The following BMF variants were observed in gnomAD, a reference collection of about 807,000 sequenced individuals.
BMF encodes Bcl2 modifying factor, also known as bcl-2-modifying factor.
In BMF, 10 loss-of-function variants were observed where a neutral mutation model predicts 22.0. The observed-to-expected ratio is 0.45, with a 90% CI of 0.28 to 0.77. The LOEUF (loss-of-function observed/expected upper bound fraction) is 0.77, where lower values mean the gene tolerates loss of function less well. BMF is among the 30% of genes least tolerant of loss of function. BMF has a pLI of 0.13. For synonymous variants in BMF, 87 were observed against 88.1 expected (o/e 0.99, Z 0.07); for missense variants, 206 against 226.8 (o/e 0.91, Z 0.59).
intron 3 of BMF, 56 bp from the exon 4 acceptor site, chr15:40,104,396 TACGCC>T (rs1420251206): frequency 1.3e-6 from 2 of 1,593,298 alleles, no homozygotes; most frequent in African/African-American, 2.7e-5. Flanking sequence ...CCAACCTCCC[TACGCC>T]TGCCTGACCT....
At position 40,106,167 on chromosome 15, in the gene BMF, T is replaced by C; in HGVS notation, c.-5-76A>G. The stretch of plus-strand genomic sequence containing the variant: ...CCTGGAAGGACTCCCCTTCCCTTCT[T>C]CCTACCATACTCCCCCTTCTTATTT... On this transcript the variant is annotated intron_variant, in intron 2 of 4. Transcript: ENST00000354670. This position sits in a 1 kb window ranked among gnomAD's most constrained non-coding sequence, Gnocchi z 4.1. 1 of 1,468,170 alleles carries C rather than the reference T, an allele frequency of 6.8e-7. No individual in the cohort carries two copies. The highest frequency in any genetic ancestry group is 9.1e-7 in the Non-Finnish European group (1 of 1,104,770). 90.9% of individuals were successfully genotyped at this position (1,468,170 alleles called of 1,614,324 possible). A position where few individuals can be genotyped will look rare whatever the true frequency, so the allele number is the denominator to read the frequency against.
chr15:40,105,055 T>C (rs1237272444), intron 3 of BMF, among the ~76,000 whole-genome samples: 2 of 152,144 alleles, frequency 1.3e-5, no homozygotes, highest in African/African-American at 2.4e-5. Flanking sequence ...CAGAACTGCT[T>C]TGCCAGAACT....
rs2036195729 is a variant in BMF at position 40,089,560 on chromosome 15, G to A, written c.*2227C>T. 6.6e-6 allele frequency: 1 copy of A among 152,242 alleles called. No individual in the cohort carries two copies. The highest frequency in any genetic ancestry group is 6.5e-5 in the Admixed American group (1 of 15,284). The allele number at this position is 152,242 out of a possible 1,614,324, so 9.4% of individuals were successfully genotyped here. A position where few individuals can be genotyped will look rare whatever the true frequency, so the allele number is the denominator to read the frequency against. ...TGTCAAAGTCTGGGCTCAGTTCTCAGGCCACAGGGCACCCAGCCTGGGCCT... is the reference window on the plus strand; with the variant it reads ...TGTCAAAGTCTGGGCTCAGTTCTCAAGCCACAGGGCACCCAGCCTGGGCCT... On this transcript the variant is annotated 3_prime_UTR_variant, in exon 5 of 5. Transcript: ENST00000354670.
Position 40,102,982 on chromosome 15 carries a change from A to G in BMF, c.453+1198T>C, listed in dbSNP as rs547990330. Among the ~76,000 whole-genome samples the G allele has an allele frequency of 2.0e-5, 3 of 152,278 alleles. No homozygotes were observed. The South Asian group carries it at 6.2e-4, about 32-fold the overall frequency. ...CTTACCAGGCCCAGACCTGGCCCCA[A>G]ACTGTCCTTAGAACTCCTTGGCAGA... On this transcript the variant is annotated intron_variant, in intron 4 of 4. Coordinates refer to ENST00000354670, the MANE Select transcript of BMF (RefSeq NM_001003940.2).
At chr15:40,104,363 T>C (rs368266341) in intron 3 of BMF, 23 bp from the exon 4 acceptor site, 4 of 1,612,450 alleles carry the variant, frequency 2.5e-6, no homozygotes, top group Non-Finnish European at 3.4e-6. Flanking sequence ...AGGATCCACA[T>C]CTCAGCATTC....
chr15:40,107,670 T>C (rs1481591284), intron 2 of BMF, among the ~76,000 whole-genome samples: 1 of 152,090 alleles, frequency 6.6e-6, no homozygotes, highest in African/African-American at 2.4e-5. Flanking sequence ...GCCAGTCACC[T>C]GGCAGGGGCT....
At position 40,108,281 on chromosome 15, in the gene BMF, C is replaced by T. The variant is rs1001842253; in HGVS notation, c.-28G>A. The T allele has an allele frequency of 2.0e-5, 3 of 152,662 alleles. No homozygotes were observed. Among genetic ancestry groups the T allele is most frequent in the African/African-American group, 7.3e-5 (3 of 41,300 alleles). 9.5% of individuals were successfully genotyped at this position (152,662 alleles called of 1,614,324 possible). On this transcript the variant is annotated 5_prime_UTR_variant, in exon 2 of 5. Transcript: ENST00000354670. ...GACCTGGGTGACTCCAGGAGAGAGT[C>T]TCGGCCTCCGAGTCGTGATGCCAGG...
intron 4 of BMF, 149 bp downstream of exon 4, chr15:40,104,031 C>A: frequency 9.7e-7 from 1 of 1,025,678 alleles, no homozygotes. Context: ...TTAGGCCCCT[C>A]CTGCCCATGG....
At chr15:40,094,052 C>T (rs1023317871) in intron 4 of BMF, among the ~76,000 whole-genome samples, 2 of 152,210 alleles carry the variant, frequency 1.3e-5, no homozygotes, top group African/African-American at 4.8e-5. Context: ...GTGCCACTAC[C>T]TTTCTTTATA....
At chr15:40,097,491 C>G (rs1339921445) in intron 4 of BMF, among the ~76,000 whole-genome samples, 1 of 152,152 alleles carries the variant, frequency 6.6e-6, no homozygotes, top group East Asian at 1.9e-4. Flanking sequence ...TTCCTTGTAC[C>G]CTTGTTTTCC....
At chr15:40,098,666 C>T (rs1284120294) in intron 4 of BMF, among the ~76,000 whole-genome samples, 1 of 152,126 alleles carries the variant, frequency 6.6e-6, no homozygotes, top group Non-Finnish European at 1.5e-5. Context: ...AACATGACCT[C>T]TTGGCTGCCA....
In BMF at chr15:40,088,870, C is replaced by T. The variant is rs1265756005; in HGVS notation, c.*2917G>A. On this transcript the variant is annotated 3_prime_UTR_variant, in exon 5 of 5. Transcript: ENST00000354670. Reference sequence around the variant, plus strand: ...GGCAGAGGCCAGGCTGAGTCCTCCACCCTCATTGCAGGAGTCCAGCGTCTG... The same window carrying T: ...GGCAGAGGCCAGGCTGAGTCCTCCATCCTCATTGCAGGAGTCCAGCGTCTG... The T allele has an allele frequency of 1.3e-5, 2 of 152,484 alleles. No homozygotes were observed. The highest frequency in any genetic ancestry group is 2.9e-5 in the Non-Finnish European group (2 of 68,088). 9.4% of individuals were successfully genotyped at this position (152,484 alleles called of 1,614,324 possible).
In BMF at chr15:40,091,856, C is replaced by T; in HGVS notation, c.486G>A (p.Gln162=). ...CAAGGTTGTGCAGGAAGAGGAGGAT[C>T]TGCCACCACACACGATTTTGGTTCT... ...HQQNQNRVWW[Q]ILLFLHNLAL... The change falls in exon 5 of 5, where the codon CAG becomes CAA. Residue 162 remains glutamine, a synonymous_variant. Coordinates refer to ENST00000354670, the MANE Select transcript of BMF (RefSeq NM_001003940.2). The T allele has an allele frequency of 6.2e-7, 1 of 1,610,870 alleles. No homozygotes were observed. Among genetic ancestry groups the T allele is most frequent in the Non-Finnish European group, 8.5e-7 (1 of 1,178,842 alleles).
chr15:40,096,281 G>C (rs533662138), intron 4 of BMF, among the ~76,000 whole-genome samples: 1 of 148,998 alleles, frequency 6.7e-6, no homozygotes, highest in Admixed American at 6.8e-5. Flanking sequence ...TGTTCCCTAC[G>C]CTCCCTGGAT....
chr15:40,091,853 G>T lies in BMF; in HGVS notation c.489C>A (p.Ile163=). The T allele has an allele frequency of 1.2e-6, 2 of 1,610,888 alleles. No homozygotes were observed. The highest frequency in any genetic ancestry group is 2.2e-5 in the South Asian group (2 of 90,480). Residue 163 remains isoleucine (I), a synonymous_variant, in exon 5 of 5, where the codon ATC becomes ATA. Transcript: ENST00000354670. The stretch of plus-strand genomic sequence containing the variant: ...AAGCAAGGTTGTGCAGGAAGAGGAG[G>T]ATCTGCCACCACACACGATTTTGGT... ...QQNQNRVWWQ[I]LLFLHNLALN...
At chr15:40,104,721 T>C (rs913876661) in intron 3 of BMF, among the ~76,000 whole-genome samples, 11 of 152,052 alleles carry the variant, frequency 7.2e-5, no homozygotes, top group Non-Finnish European at 1.6e-4. Context: ...GCACTGGAGG[T>C]AGCTCTCCAG....
chr15:40,107,796 A>G (rs899533838), intron 2 of BMF, among the ~76,000 whole-genome samples: 27 of 151,972 alleles, frequency 1.8e-4, no homozygotes, highest in African/African-American at 6.5e-4. Flanking sequence ...GAAGCCTATC[A>G]CCTTCCCCTC....
chr15:40,101,392 G>C (rs2036473216), intron 4 of BMF, among the ~76,000 whole-genome samples: 1 of 152,216 alleles, frequency 6.6e-6, no homozygotes. Context: ...AATAGGCTCA[G>C]TGAAGTCAAG....
chr15:40,103,492 C>A (rs563867452), intron 4 of BMF, among the ~76,000 whole-genome samples: 8 of 152,352 alleles, frequency 5.3e-5, no homozygotes, highest in African/African-American at 1.9e-4. Context: ...TGCCAGCCGC[C>A]GCCTTTGTTG....
Sources: gnomAD v4.1 joint callset for allele counts (sites outside exome capture counted in the v4.1 genomes callset) on GRCh38, gnomAD v4.1.1 for gene constraint, Gnocchi (gnomAD v3.1) non-coding constraint, MANE v1.5 for transcripts, NCBI Gene and HGNC (gene_info 2026-07-23, HGNC 2026-07-21) for gene names.